MAD1L1: variants seen among roughly 807,000 people sequenced by gnomAD.
The protein encoded by MAD1L1 is mitotic spindle assembly checkpoint protein MAD1.
In MAD1L1, 95 loss-of-function variants were observed where a neutral mutation model predicts 96.9. The ratio of observed to expected loss-of-function variants is 0.98; its 90% confidence interval spans 0.83 to 1.16. The LOEUF is 1.16. Among genes scored for constraint, MAD1L1 ranks in the 50% most tolerant of loss-of-function variants. The probability of loss-of-function intolerance (pLI) is 0.00; values close to 1 mark genes in which losing one functional copy is unlikely to be tolerated. For synonymous variants in MAD1L1, 473 were observed against 396.6 expected, an observed-to-expected ratio of 1.19 and a Z score of -2.29; for missense variants, 1,007 against 954.4, an observed-to-expected ratio of 1.06 and a Z score of -0.73.
rs1414266214 is a variant in MAD1L1 at position 1,828,962 on chromosome 7, G to T, written c.1999-12734C>A. Among the ~76,000 whole-genome samples, 3 of 152,180 alleles carry T rather than the reference G, an allele frequency of 2.0e-5. No individual in the cohort carries two copies. In the East Asian group the frequency reaches 5.8e-4, roughly 29 times the overall value. ...GACGGATCCATGCCAGATCAGACATGGCGAAAACAGGATCAGTGAAGCTGC... is the reference window on the plus strand; with the variant it reads ...GACGGATCCATGCCAGATCAGACATTGCGAAAACAGGATCAGTGAAGCTGC... On this transcript the variant is annotated intron_variant, in intron 18 of 18. Transcript: ENST00000265854.
intron 10 of MAD1L1, among the ~76,000 whole-genome samples, chr7:2,203,598 G>A (rs188497868): frequency 2.6e-5 from 4 of 152,344 alleles, no homozygotes; most frequent in Admixed American, 2.6e-4. Context: ...GGCTGCTGGA[G>A]TCTGAGTCCG....
chr7:2,057,439 G>A (rs570472361), intron 12 of MAD1L1, among the ~76,000 whole-genome samples: 6 of 152,264 alleles, frequency 3.9e-5, no homozygotes, highest in South Asian at 4.1e-4. Flanking sequence ...GCTTGAACCC[G>A]GGAGGCAGAG....
At chr7:2,196,178 G>C (rs1013891869) in intron 10 of MAD1L1, among the ~76,000 whole-genome samples, 1 of 152,178 alleles carries the variant, frequency 6.6e-6, no homozygotes, top group Admixed American at 6.5e-5. Context: ...TAGTCCACAG[G>C]GTTCTGAGGA....
chr7:1,893,995 A>C (rs990897714), intron 18 of MAD1L1, among the ~76,000 whole-genome samples: 9 of 151,946 alleles, frequency 5.9e-5, no homozygotes, highest in Non-Finnish European at 1.3e-4. Context: ...CTCCACTGAA[A>C]CCTGTTTTTC....
At chr7:2,215,745 G>A in intron 9 of MAD1L1, 140 bp downstream of exon 9, 1 of 739,958 alleles carries the variant, frequency 1.4e-6, no homozygotes, top group Non-Finnish European at 2.4e-6. Context: ...CCTCTCTGGG[G>A]ACCACGATTC....
chr7:1,985,000 T>A (rs1330482046), intron 14 of MAD1L1, among the ~76,000 whole-genome samples: 1 of 152,252 alleles, frequency 6.6e-6, no homozygotes, highest in African/African-American at 2.4e-5. Flanking sequence ...CAGTACCTAC[T>A]GTATCTCCTA....
intron 1 of MAD1L1, among the ~76,000 whole-genome samples, chr7:2,231,807 C>G (rs981051551): frequency 9.2e-5 from 14 of 152,094 alleles, no homozygotes; most frequent in Middle Eastern, 3.2e-3. Flanking sequence ...AGCACCGAGA[C>G]TTCTTGAACT....
chr7:1,893,588 C>T (rs4721167), intron 18 of MAD1L1, among the ~76,000 whole-genome samples: 44,499 of 152,006 alleles, frequency 0.29, 7,767 homozygotes, highest in East Asian at 0.45. Flanking sequence ...CCCACACTGG[C>T]CTCTGCCCTC....
At chr7:2,016,287 C>A (rs1311096842) in intron 12 of MAD1L1, among the ~76,000 whole-genome samples, 2 of 152,192 alleles carry the variant, frequency 1.3e-5, no homozygotes, top group Non-Finnish European at 2.9e-5. Context: ...TTGTGGCCAG[C>A]GTGCTCCCCA....
intron 12 of MAD1L1, among the ~76,000 whole-genome samples, chr7:2,024,533 T>C (rs1416866407): frequency 2.6e-5 from 4 of 152,146 alleles, no homozygotes; most frequent in Non-Finnish European, 5.9e-5. Context: ...CCATAGAAAC[T>C]CCACAATGAG....
At chr7:1,906,111 C>A (rs564709583) in intron 17 of MAD1L1, among the ~76,000 whole-genome samples, 59 of 151,720 alleles carry the variant, frequency 3.9e-4, no homozygotes, top group Non-Finnish European at 7.8e-4. Context: ...CCCGCAGGCA[C>A]CAGGCAGCAC....
At chr7:1,882,127 G>A (rs576457657) in intron 18 of MAD1L1, among the ~76,000 whole-genome samples, 2 of 152,304 alleles carry the variant, frequency 1.3e-5, no homozygotes, top group South Asian at 4.1e-4. Flanking sequence ...GCCAGGGCAC[G>A]AGATGAGGAG....
chr7:1,868,612 C>A (rs929904654), intron 18 of MAD1L1, among the ~76,000 whole-genome samples: 3 of 152,180 alleles, frequency 2.0e-5, no homozygotes, highest in African/African-American at 7.2e-5. Flanking sequence ...ATTTCTCCAG[C>A]GCGTCATGCG....
chr7:2,110,408 A>T (rs1478923378), intron 11 of MAD1L1, among the ~76,000 whole-genome samples: 3 of 152,230 alleles, frequency 2.0e-5, no homozygotes, highest in East Asian at 3.8e-4. Context: ...CCAAAGCGGA[A>T]ATCAGACCCC....
rs1388523790 is a variant in MAD1L1, at chr7:1,994,972, G to A, written c.1416+7093C>T. ...TGGGATTACAGGCGTAAGCCACCAC[G>A]CCCGGCCAACATCTGCTACTTTAAG... is the stretch of plus-strand genomic sequence containing the variant. On this transcript the variant is annotated intron_variant, in intron 14 of 18. Transcript: ENST00000265854. 2.6e-5 allele frequency among the ~76,000 whole-genome samples: 4 copies of A among 152,152 alleles called. No homozygotes were observed. In the South Asian group the frequency reaches 6.2e-4, roughly 24 times the overall value.
intron 7 of MAD1L1, among the ~76,000 whole-genome samples, chr7:2,217,646 C>T (rs763552237): frequency 2.0e-5 from 3 of 152,254 alleles, no homozygotes; most frequent in Non-Finnish European, 1.5e-5. Context: ...CAACTGTGGG[C>T]AGCTTTCTCA....
intron 15 of MAD1L1, among the ~76,000 whole-genome samples, chr7:1,966,805 C>A (rs940483007): frequency 3.3e-5 from 5 of 152,252 alleles, no homozygotes; most frequent in African/African-American, 1.2e-4. Flanking sequence ...GCAATCGTGG[C>A]GTGCTGGGAG....
At chr7:2,228,413 C>T (rs1054388053) in intron 3 of MAD1L1, among the ~76,000 whole-genome samples, 1 of 151,894 alleles carries the variant, frequency 6.6e-6, no homozygotes. Context: ...TGCCCACACC[C>T]GCCTAATTTT....
At chr7:2,223,264 T>C (rs955772064) in intron 4 of MAD1L1, among the ~76,000 whole-genome samples, 1 of 152,274 alleles carries the variant, frequency 6.6e-6, no homozygotes, top group South Asian at 2.1e-4. Flanking sequence ...CTGCCACACA[T>C]GCACCCCCTC....
Sources: allele counts gnomAD v4.1 joint callset (sites outside exome capture counted in the v4.1 genomes callset), GRCh38; gene constraint gnomAD v4.1.1; transcripts MANE v1.5; gene names NCBI Gene and HGNC (gene_info 2026-07-23, HGNC 2026-07-21).